SLC24A3: variants seen among roughly 807,000 people sequenced by gnomAD.
SLC24A3 encodes sodium/potassium/calcium exchanger 3.
SLC24A3 carries 28 observed loss-of-function variants against 75.8 expected under a neutral mutation model. The ratio of observed to expected loss-of-function variants is 0.37; its 90% confidence interval spans 0.27 to 0.51. The LOEUF (loss-of-function observed/expected upper bound fraction) is 0.51, where lower values mean the gene tolerates loss of function less well. Among genes scored for constraint, SLC24A3 ranks in the 20% least tolerant of loss-of-function variants. The pLI is 0.94. For missense variants in SLC24A3, 663 were observed against 847.8 expected (o/e 0.78, Z 2.71); for synonymous variants, 372 against 334.1 (o/e 1.11, Z -1.24).
intron 2 of SLC24A3, among the ~76,000 whole-genome samples, chr20:19,292,597 G>A (rs1983966951): frequency 6.6e-6 from 1 of 152,124 alleles, no homozygotes; most frequent in African/African-American, 2.4e-5. Context: ...ACGGATGATG[G>A]GGATTTTGGT....
intron 3 of SLC24A3, among the ~76,000 whole-genome samples, chr20:19,520,490 C>T (rs2030078777): frequency 6.6e-6 from 1 of 152,208 alleles, no homozygotes; most frequent in Admixed American, 6.5e-5. Context: ...CATCTTCACA[C>T]TCCTGTGTCC....
chr20:19,499,199 T>G (rs1988347251), intron 2 of SLC24A3, among the ~76,000 whole-genome samples: 2 of 152,254 alleles, frequency 1.3e-5, no homozygotes, highest in African/African-American at 4.8e-5. Flanking sequence ...ACAGTTGTCT[T>G]AAGCCACTAT....
chr20:19,464,302 C>T (rs1987728447), intron 2 of SLC24A3, among the ~76,000 whole-genome samples: 1 of 152,218 alleles, frequency 6.6e-6, no homozygotes, highest in East Asian at 1.9e-4. Context: ...CTGTGACTGC[C>T]CCTCAGGACT....
At chr20:19,565,531 G>A (rs1255310700) in intron 3 of SLC24A3, among the ~76,000 whole-genome samples, 1 of 152,108 alleles carries the variant, frequency 6.6e-6, no homozygotes, top group African/African-American at 2.4e-5. Flanking sequence ...GGTGTCACCT[G>A]GCATCACACC....
At chr20:19,304,276 A>C (rs1032068262) in intron 2 of SLC24A3, among the ~76,000 whole-genome samples, 1 of 152,186 alleles carries the variant, frequency 6.6e-6, no homozygotes, top group African/African-American at 2.4e-5. Flanking sequence ...GGATGGCATC[A>C]TGGTCTTTAA....
intron 6 of SLC24A3, among the ~76,000 whole-genome samples, chr20:19,632,429 G>A (rs1192874815): frequency 6.6e-6 from 1 of 152,026 alleles, no homozygotes; most frequent in East Asian, 1.9e-4. Flanking sequence ...TTGACTCGTG[G>A]CCTCTTCCTT....
At chr20:19,223,891 G>GTCCAGCT (rs1301661269) in intron 1 of SLC24A3, among the ~76,000 whole-genome samples, 8 of 152,192 alleles carry the variant, frequency 5.3e-5, no homozygotes, top group Admixed American at 3.9e-4. Flanking sequence ...ACTGCAGAAT[G>GTCCAGCT]GATCAGCTGG....
intron 2 of SLC24A3, among the ~76,000 whole-genome samples, chr20:19,331,494 A>G (rs754248435): frequency 5.9e-5 from 9 of 152,254 alleles, no homozygotes; most frequent in Non-Finnish European, 1.3e-4. Context: ...TGATATAGAT[A>G]GATAAACAGA....
At chr20:19,303,355 G>A (rs185398091) in intron 2 of SLC24A3, among the ~76,000 whole-genome samples, 5 of 152,234 alleles carry the variant, frequency 3.3e-5, no homozygotes, top group East Asian at 1.9e-4. Flanking sequence ...CTTTTCTTAC[G>A]GCTGCATGGT....
intron 8 of SLC24A3, among the ~76,000 whole-genome samples, chr20:19,671,001 G>T (rs529526467): frequency 9.9e-5 from 15 of 152,230 alleles, no homozygotes; most frequent in Admixed American, 3.3e-4. Context: ...CTAGAAACAG[G>T]TGTTAGTTAC....
chr20:19,703,996 A>G (rs1260165932), intron 15 of SLC24A3, among the ~76,000 whole-genome samples: 3 of 152,232 alleles, frequency 2.0e-5, no homozygotes, highest in Admixed American at 6.5e-5. Flanking sequence ...AGTTCTCATC[A>G]AAGTGCTTAC....
intron 16 of SLC24A3, among the ~76,000 whole-genome samples, chr20:19,719,099 A>G (rs533917990): frequency 2.6e-4 from 39 of 152,252 alleles, no homozygotes; most frequent in Non-Finnish European, 5.0e-4. Context: ...GGAGGGAGCT[A>G]TTGGCTGAGT....
chr20:19,672,502 A>AT (rs1320346430), intron 8 of SLC24A3, among the ~76,000 whole-genome samples: 3 of 151,886 alleles, frequency 2.0e-5, no homozygotes, highest in South Asian at 4.2e-4. Flanking sequence ...TACCTGGCTA[A>AT]TTTTTTAATT....
intron 2 of SLC24A3, among the ~76,000 whole-genome samples, chr20:19,281,829 T>C (rs1983672922): frequency 6.6e-6 from 1 of 152,204 alleles, no homozygotes; most frequent in African/African-American, 2.4e-5. Context: ...TGTAGTGTAT[T>C]CTTAAAATAA....
intron 6 of SLC24A3, among the ~76,000 whole-genome samples, chr20:19,642,217 C>A (rs1022791764): frequency 2.6e-5 from 4 of 152,210 alleles, no homozygotes; most frequent in African/African-American, 9.7e-5. Flanking sequence ...CCATATCATT[C>A]AGAGGGGTCT....
chr20:19,456,834 A>C, intron 2 of SLC24A3, among the ~76,000 whole-genome samples: 1 of 152,134 alleles, frequency 6.6e-6, no homozygotes, highest in African/African-American at 2.4e-5. Flanking sequence ...AGTGCAACAC[A>C]CCAGTCACCA....
chr20:19,573,538 G>A (rs183318881), intron 3 of SLC24A3, among the ~76,000 whole-genome samples: 31 of 152,334 alleles, frequency 2.0e-4, no homozygotes, highest in African/African-American at 7.2e-4. Context: ...GGTGAGTGAA[G>A]CAAGTAAGGA....
At chr20:19,342,181 T>C (rs1985286810) in intron 2 of SLC24A3, among the ~76,000 whole-genome samples, 1 of 152,244 alleles carries the variant, frequency 6.6e-6, no homozygotes, top group South Asian at 2.1e-4. Context: ...AAAAATTTCC[T>C]AATGCAATGC....
chr20:19,643,822 C>G (rs2122700348), intron 6 of SLC24A3, among the ~76,000 whole-genome samples: 1 of 152,318 alleles, frequency 6.6e-6, no homozygotes, highest in South Asian at 2.1e-4. Context: ...ATATTCAGGT[C>G]AGGACACCAA....
Sources: gnomAD v4.1 joint callset for allele counts (sites outside exome capture counted in the v4.1 genomes callset) on GRCh38, gnomAD v4.1.1 for gene constraint, MANE v1.5 for transcripts, NCBI Gene and HGNC (gene_info 2026-07-23, HGNC 2026-07-21) for gene names.